The following PGLYRP4 variants were observed in gnomAD, a reference collection of about 807,000 sequenced individuals.
PGLYRP4 encodes the protein peptidoglycan recognition protein 4.
PGLYRP4 carries 39 observed loss-of-function variants against 41.2 expected under a neutral mutation model. The ratio of observed to expected loss-of-function variants is 0.95; its 90% CI spans 0.73 to 1.24. The LOEUF (loss-of-function observed/expected upper bound fraction) is 1.24. Among genes scored for constraint, PGLYRP4 ranks in the 50% most tolerant of loss-of-function variants. PGLYRP4 has a pLI of 0.00. For synonymous variants in PGLYRP4, 202 were observed against 186.8 expected, an observed-to-expected ratio of 1.08 and a Z score of -0.66; for missense variants, 467 against 460.7, an observed-to-expected ratio of 1.01 and a Z score of -0.13.
Position 153,330,723 on chromosome 1 carries a change from T to C in PGLYRP4, c.*44A>G, listed in dbSNP as rs369463360. 8 of 1,565,796 alleles carry C rather than the reference T, an allele frequency of 5.1e-6. No homozygotes were observed. The highest frequency in any genetic ancestry group is 6.1e-6 in the Non-Finnish European group (7 of 1,141,770). On this transcript the variant is annotated 3_prime_UTR_variant, in exon 9 of 9. Transcript: ENST00000359650. ...CTGGATGGTTAGGACAGGAGAGACC[T>C]GACAGGGGAGGGAAAGCAGTCTCAG... is the stretch of plus-strand genomic sequence containing the variant.
At chr1:153,340,282 T>C in intron 7 of PGLYRP4, 99 bp downstream of exon 7, 1 of 1,059,172 alleles carries the variant, frequency 9.4e-7, no homozygotes, top group African/African-American at 1.6e-5. Context: ...TCTCCTATGG[T>C]GACTACCCAG....
At chr1:153,338,954 G>A (rs181438836) in intron 7 of PGLYRP4, among the ~76,000 whole-genome samples, 54 of 152,300 alleles carry the variant, frequency 3.5e-4, no homozygotes, top group Admixed American at 2.2e-3. Context: ...AGGCACATCC[G>A]ATGGCATCCC....
At chr1:153,346,055 A>G in intron 3 of PGLYRP4, 47 bp downstream of exon 3, 5 of 1,339,798 alleles carry the variant, frequency 3.7e-6, no homozygotes, top group South Asian at 1.2e-5. Context: ...TCACATGAAA[A>G]ACCCCAGCTC....
At chr1:153,347,827 T>G in intron 2 of PGLYRP4, 57 bp downstream of exon 2, 9 of 1,316,490 alleles carry the variant, frequency 6.8e-6, no homozygotes, top group South Asian at 1.2e-5. Context: ...ATTCCTATTA[T>G]GAGACTTTAG....
In PGLYRP4 at chr1:153,347,261, G is replaced by A. The variant is rs142473625; in HGVS notation, c.49+623C>T. On this transcript the variant is annotated intron_variant, in intron 2 of 8. Transcript: ENST00000359650. The stretch of plus-strand genomic sequence containing the variant: ...TCACCATGTTGGCCAGGATGGTCTC[G>A]ATCTCTTGACCTCCTTATCTGCATG... 2.8e-3 allele frequency among the ~76,000 whole-genome samples: 419 copies of A among 151,944 alleles called. 15 individuals carry two copies. The East Asian group carries it at 0.065, about 24-fold the overall frequency.
intron 2 of PGLYRP4, among the ~76,000 whole-genome samples, chr1:153,347,498 T>G (rs3006455): frequency 6.6e-6 from 1 of 151,624 alleles, no homozygotes; most frequent in Non-Finnish European, 1.5e-5. Context: ...GCCTCCCTCC[T>G]GAGTAGCTGG....
At chr1:153,337,690 C>T (rs1221026731) in intron 7 of PGLYRP4, among the ~76,000 whole-genome samples, 3 of 152,192 alleles carry the variant, frequency 2.0e-5, no homozygotes, top group African/African-American at 7.2e-5. Flanking sequence ...CCAGGTAGCT[C>T]ACAGTCAATG....
intron 7 of PGLYRP4, among the ~76,000 whole-genome samples, chr1:153,338,271 G>A (rs1754134): frequency 0.4 from 61,008 of 151,788 alleles, 12,517 homozygotes; most frequent in South Asian, 0.55. Context: ...TCCCTGATCT[G>A]CCCTGCACCC....
intron 8 of PGLYRP4, among the ~76,000 whole-genome samples, chr1:153,333,908 C>G (rs535896327): frequency 6.6e-6 from 1 of 152,058 alleles, no homozygotes; most frequent in East Asian, 1.9e-4. Context: ...AAAGAACATA[C>G]CTCAGAATAA....
intron 6 of PGLYRP4, 142 bp downstream of exon 6, chr1:153,341,485 A>G: frequency 4.1e-6 from 3 of 738,550 alleles, no homozygotes; most frequent in Non-Finnish European, 6.6e-6. Context: ...TGCCAGCCCC[A>G]AGAGTTCAGA....
In PGLYRP4 at chr1:153,341,125, TTGTG is replaced by T. The variant is rs148193929; in HGVS notation, c.625+498_625+501del. On this transcript the variant is annotated intron_variant, in intron 6 of 8. Coordinates refer to ENST00000359650, the MANE Select transcript of PGLYRP4 (RefSeq NM_020393.4). ...GGTTTTTGTATTCAGAAATGTGTGTTTGTGTGTGTTCATGTGTAAACATATGAGT... is the reference window on the plus strand; with the variant it reads ...GGTTTTTGTATTCAGAAATGTGTGTTTGTGTTCATGTGTAAACATATGAGT... Among the ~76,000 whole-genome samples, 421 of 152,266 alleles carry T rather than the reference TTGTG, an allele frequency of 2.8e-3. 15 individuals are homozygous for T. The East Asian group carries it at 0.065, about 24-fold the overall frequency.
intron 3 of PGLYRP4, among the ~76,000 whole-genome samples, 161 bp from the exon 4 acceptor site, chr1:153,345,543 T>C (rs1660974272): frequency 1.3e-5 from 2 of 152,028 alleles, no homozygotes; most frequent in Admixed American, 6.6e-5. Flanking sequence ...TCTCCAACAC[T>C]CACCCCGAAC....
intron 8 of PGLYRP4, among the ~76,000 whole-genome samples, chr1:153,336,871 G>T (rs1660590311): frequency 6.6e-6 from 1 of 152,228 alleles, no homozygotes; most frequent in Non-Finnish European, 1.5e-5. Flanking sequence ...ACCAAGAGAA[G>T]ATGCATCTGC....
intron 8 of PGLYRP4, among the ~76,000 whole-genome samples, chr1:153,333,423 A>G (rs1472441020): frequency 2.6e-5 from 4 of 152,170 alleles, no homozygotes; most frequent in Non-Finnish European, 5.9e-5. Flanking sequence ...TTGAATCAGT[A>G]ATTAAAAAAA....
chr1:153,335,721 C>CTAAATAAATAAATAAA (rs71584104), intron 8 of PGLYRP4, among the ~76,000 whole-genome samples: 2 of 37,024 alleles, frequency 5.4e-5, no homozygotes, highest in South Asian at 1.7e-3. Flanking sequence ...AAGACTCTGT[C>CTAAATAAATAAATAAA]TAAATAAATA....
At chr1:153,343,834 T>TA (rs1660896442) in intron 4 of PGLYRP4, among the ~76,000 whole-genome samples, 1 of 151,978 alleles carries the variant, frequency 6.6e-6, no homozygotes, top group African/African-American at 2.4e-5. Context: ...GAGCAGACAG[T>TA]AAAACACAGA....
rs200715095 is a variant in PGLYRP4, at chr1:153,345,358, G to A, written c.164C>T (p.Thr55Met). ...EKGLPTDVST[T>M]VSRKAWGAEA... ...TGCCCCCCATGCCTTGCGAGAGACC[G>A]TGGTGGAGACATCTGTGGGAAGGCC... Residue 55 changes from threonine (T) to methionine (M), a missense_variant, in exon 4 of 9, where the codon ACG becomes ATG. Thr to Met is a moderately conservative substitution (Grantham distance 81). Coordinates refer to ENST00000359650, the MANE Select transcript of PGLYRP4 (RefSeq NM_020393.4). 6.7e-5 allele frequency: 108 copies of A among 1,614,012 alleles called. No homozygotes were observed. Among genetic ancestry groups the A allele is most frequent in the Non-Finnish European group, 8.0e-5 (94 of 1,180,008 alleles).
rs765335990 is a variant in PGLYRP4, at chr1:153,330,924, G to A, written c.965C>T (p.Ala322Val). 2 of 1,613,812 alleles carry A rather than the reference G, an allele frequency of 1.2e-6. No homozygotes were observed. The highest frequency in any genetic ancestry group is 2.2e-5 in the South Asian group (2 of 91,058). Residue 322 changes from alanine (A) to valine (V), a missense_variant, in exon 9 of 9, where the codon GCA becomes GTA. By Grantham distance (64) the Ala-to-Val change is moderately conservative (BLOSUM62 0). Coordinates refer to ENST00000359650, the MANE Select transcript of PGLYRP4 (RefSeq NM_020393.4). ...TFTGIPPNAA[A>V]LEAAQDLIQC... is the part of the protein sequence containing the mutation. ...GATCAGGTCTTGGGCTGCCTCTAGTGCTGCAGCATTGGGTGGTATACCTGC... is the reference window on the plus strand; with the variant it reads ...GATCAGGTCTTGGGCTGCCTCTAGTACTGCAGCATTGGGTGGTATACCTGC...
chr1:153,338,379 C>T (rs1204754494), intron 7 of PGLYRP4, among the ~76,000 whole-genome samples: 1 of 152,228 alleles, frequency 6.6e-6, no homozygotes, highest in East Asian at 1.9e-4. Context: ...TCAGTCCTGC[C>T]TGGATTGCTG....
Sources: allele counts gnomAD v4.1 joint callset (sites outside exome capture counted in the v4.1 genomes callset), GRCh38; gene constraint gnomAD v4.1.1; transcripts MANE v1.5; gene names NCBI Gene and HGNC (gene_info 2026-07-23, HGNC 2026-07-21).